The following PCDH9 variants were observed in gnomAD, a reference collection of about 807,000 sequenced individuals.
PCDH9 encodes protocadherin-9.
PCDH9 carries 24 observed loss-of-function variants against 70.6 expected under a neutral mutation model. The ratio of observed to expected loss-of-function variants is 0.34; its 90% CI spans 0.25 to 0.48. PCDH9 has a LOEUF of 0.48. PCDH9 is among the 20% of genes least tolerant of loss of function. The pLI is 0.99. For missense variants in PCDH9, 1,281 were observed against 1,503.6 expected (o/e 0.85, Z 2.45); for synonymous variants, 562 against 558.5 (o/e 1.01, Z -0.09).
At chr13:66,847,579 A>AT (rs11410808) in intron 3 of PCDH9, among the ~76,000 whole-genome samples, 7,765 of 152,194 alleles carry the variant, frequency 0.051, 649 homozygotes, top group African/African-American at 0.18. Flanking sequence ...TCAGCATACT[A>AT]TTTTTTTCCT....
At chr13:66,711,276 A>G (rs912197035) in intron 3 of PCDH9, among the ~76,000 whole-genome samples, 1 of 152,154 alleles carries the variant, frequency 6.6e-6, no homozygotes, top group African/African-American at 2.4e-5. Flanking sequence ...CAAGATTTCT[A>G]AAGTGTATTT....
intron 2 of PCDH9, among the ~76,000 whole-genome samples, chr13:66,947,297 A>G (rs2083104022): frequency 6.6e-6 from 1 of 152,200 alleles, no homozygotes; most frequent in Non-Finnish European, 1.5e-5. Context: ...CCATATAATA[A>G]CAAATTATTA....
chr13:66,408,548 G>A lies in PCDH9; in HGVS notation c.3341-103520C>T, dbSNP rs75902878. On this transcript the variant is annotated intron_variant, in intron 4 of 4. Transcript: ENST00000377865. ...ATGTTAAACATAATTACAGTCTTTG[G>A]TTTTAGTTTGTTTTACTTTCATTAA... 3.8e-3 allele frequency among the ~76,000 whole-genome samples: 578 copies of A among 152,220 alleles called. 2 individuals carry two copies. The highest frequency in any genetic ancestry group is 0.01 in the Middle Eastern group (3 of 294).
chr13:66,393,452 A>T (rs1326113454), intron 4 of PCDH9, among the ~76,000 whole-genome samples: 1 of 152,152 alleles, frequency 6.6e-6, no homozygotes, highest in Non-Finnish European at 1.5e-5. Flanking sequence ...GGTAGCTGAT[A>T]CCTGGCTGGA....
At chr13:66,893,340 C>T (rs1293110157) in intron 3 of PCDH9, among the ~76,000 whole-genome samples, 2 of 152,094 alleles carry the variant, frequency 1.3e-5, no homozygotes, top group East Asian at 1.9e-4. Flanking sequence ...AATCAGAGGG[C>T]TAGTCTCCAA....
At chr13:67,105,415 C>A (rs1466414718) in intron 2 of PCDH9, among the ~76,000 whole-genome samples, 17 of 152,062 alleles carry the variant, frequency 1.1e-4, no homozygotes, top group Non-Finnish European at 2.5e-4. Flanking sequence ...TTTTGAGAAT[C>A]ACACTCTAGA....
At chr13:66,738,189 C>T (rs1262130126) in intron 3 of PCDH9, among the ~76,000 whole-genome samples, 3 of 152,004 alleles carry the variant, frequency 2.0e-5, no homozygotes, top group African/African-American at 7.2e-5. Flanking sequence ...TGACCCCTGA[C>T]CCCCGAGCAG....
intron 3 of PCDH9, among the ~76,000 whole-genome samples, chr13:66,839,401 T>G (rs2081077805): frequency 6.6e-6 from 1 of 152,194 alleles, no homozygotes. Context: ...TGGCAAAGCA[T>G]TTCTAGTCAG....
intron 3 of PCDH9, among the ~76,000 whole-genome samples, chr13:66,636,076 T>G (rs577598798): frequency 1.3e-5 from 2 of 152,276 alleles, no homozygotes; most frequent in African/African-American, 4.8e-5. Context: ...TTTGTTAATG[T>G]GTATGTATGT....
chr13:67,096,203 T>C (rs940952019), intron 2 of PCDH9, among the ~76,000 whole-genome samples: 16 of 152,232 alleles, frequency 1.1e-4, no homozygotes, highest in African/African-American at 3.9e-4. Flanking sequence ...CGTGTGTATG[T>C]GTTGGGGGTA....
At chr13:66,446,802 A>G (rs745602572) in intron 4 of PCDH9, among the ~76,000 whole-genome samples, 1 of 152,076 alleles carries the variant, frequency 6.6e-6, no homozygotes, top group African/African-American at 2.4e-5. Context: ...AAAAAAATAG[A>G]ATTTCTTAAC....
intron 2 of PCDH9, chr13:67,216,175 T>A (rs1333181884): frequency 1.3e-5 from 2 of 151,782 alleles, no homozygotes; most frequent in African/African-American, 4.8e-5. Context: ...AAAGCAGAAT[T>A]TAATTGTCTA....
At chr13:66,505,168 C>T (rs1959198361) in intron 4 of PCDH9, among the ~76,000 whole-genome samples, 1 of 152,096 alleles carries the variant, frequency 6.6e-6, no homozygotes, top group Admixed American at 6.6e-5. Context: ...CTATTACTTT[C>T]TATTTATTTC....
chr13:67,069,941 T>G (rs773504112), intron 2 of PCDH9, among the ~76,000 whole-genome samples: 3 of 144,192 alleles, frequency 2.1e-5, no homozygotes, highest in Non-Finnish European at 4.4e-5. Flanking sequence ...GACTAAGAAC[T>G]TTTTTTTACA....
chr13:67,022,098 G>T (rs2084685452), intron 2 of PCDH9, among the ~76,000 whole-genome samples: 1 of 135,574 alleles, frequency 7.4e-6, no homozygotes, highest in African/African-American at 2.8e-5. Context: ...GGTGGACAAG[G>T]TGATGTTCTT....
At chr13:66,703,555 C>T (rs927567) in intron 3 of PCDH9, among the ~76,000 whole-genome samples, 66,606 of 151,990 alleles carry the variant, frequency 0.44, 14,628 homozygotes, top group South Asian at 0.46. Context: ...TGTGTTTTCT[C>T]AAGTTTGTCT....
At chr13:66,962,017 C>A (rs113743201) in intron 2 of PCDH9, among the ~76,000 whole-genome samples, 5,846 of 151,482 alleles carry the variant, frequency 0.039, 369 homozygotes, top group African/African-American at 0.13. Context: ...TGCCACGGCA[C>A]TCCAGCCTGG....
chr13:66,856,445 T>C (rs1185209457), intron 3 of PCDH9, among the ~76,000 whole-genome samples: 1 of 152,074 alleles, frequency 6.6e-6, no homozygotes, highest in Admixed American at 6.6e-5. Flanking sequence ...TCAACCACAA[T>C]AAATAACTTA....
chr13:66,552,383 T>A (rs537016792), intron 4 of PCDH9, among the ~76,000 whole-genome samples: 80 of 152,230 alleles, frequency 5.3e-4, no homozygotes, highest in African/African-American at 1.9e-3. Context: ...CTGGATGGCT[T>A]CCTCCTATCT....
Sources: gnomAD v4.1 joint callset for allele counts (sites outside exome capture counted in the v4.1 genomes callset) on GRCh38, gnomAD v4.1.1 for gene constraint, MANE v1.5 for transcripts, NCBI Gene and HGNC (gene_info 2026-07-23, HGNC 2026-07-21) for gene names.